The following TRPM6 variants were observed in gnomAD, a reference collection of about 807,000 sequenced individuals.
TRPM6 encodes the protein transient receptor potential cation channel subfamily M member 6.
A neutral mutation model predicts 247.6 loss-of-function variants in TRPM6; 111 were observed. The observed-to-expected ratio is 0.45, with a 90% CI of 0.38 to 0.52. The LOEUF is 0.52. TRPM6 is among the 20% of genes least tolerant of loss of function. TRPM6 has a pLI of 0.00. For synonymous variants in TRPM6, 892 were observed against 853.8 expected, an observed-to-expected ratio of 1.04 and a Z score of -0.78; for missense variants, 2,126 against 2,421.5, an observed-to-expected ratio of 0.88 and a Z score of 2.56.
intron 9 of TRPM6, 176 bp downstream of exon 9, chr9:74,820,128 C>T (rs1829087310): frequency 1.5e-6 from 1 of 670,218 alleles, no homozygotes; most frequent in African/African-American, 1.8e-5. Flanking sequence ...TTAAGATCTC[C>T]ATGCATTAGC....
At chr9:74,820,155 C>T (rs1829087922) in intron 9 of TRPM6, 149 bp downstream of exon 9, 1 of 819,808 alleles carries the variant, frequency 1.2e-6, no homozygotes, top group Non-Finnish European at 2.0e-6. Context: ...TCCTGATTTT[C>T]TCCCTCCCCC....
At position 74,778,460 on chromosome 9, in the gene TRPM6, CA is replaced by C. The variant is rs1303357839; in HGVS notation, c.3210-2385del. Among the ~76,000 whole-genome samples, 4 of 152,338 alleles carry C rather than the reference CA, an allele frequency of 2.6e-5. No individual in the cohort carries two copies. The East Asian group carries it at 7.7e-4, about 29-fold the overall frequency. Reference sequence around the variant, plus strand: ...AAGCCATCCCAGTGCCATGTTGGCTCAGGGGGCACCAGCTTTGTGCTGCCTC... The same window carrying C: ...AAGCCATCCCAGTGCCATGTTGGCTCGGGGGCACCAGCTTTGTGCTGCCTC... On this transcript the variant is annotated intron_variant, in intron 23 of 38. Coordinates refer to ENST00000360774, the MANE Select transcript of TRPM6 (RefSeq NM_017662.5).
intron 6 of TRPM6, among the ~76,000 whole-genome samples, chr9:74,833,566 A>G (rs1350931057): frequency 6.6e-6 from 1 of 152,206 alleles, no homozygotes; most frequent in African/African-American, 2.4e-5. Context: ...TCTGATTTGT[A>G]TATTTTTAAA....
intron 37 of TRPM6, among the ~76,000 whole-genome samples, chr9:74,731,772 A>C (rs1047947828): frequency 6.6e-6 from 1 of 151,482 alleles, no homozygotes; most frequent in South Asian, 2.1e-4. Context: ...TATGACAATT[A>C]AGAAGTAAAA....
intron 14 of TRPM6, among the ~76,000 whole-genome samples, chr9:74,805,864 G>T (rs1250165825): frequency 6.6e-6 from 1 of 152,132 alleles, no homozygotes; most frequent in Non-Finnish European, 1.5e-5. Flanking sequence ...TCAAATGCAA[G>T]CAAGCAGTAG....
At chr9:74,831,754 T>C (rs150729482) in intron 6 of TRPM6, among the ~76,000 whole-genome samples, 54 of 152,356 alleles carry the variant, frequency 3.5e-4, no homozygotes, top group African/African-American at 9.4e-4. Flanking sequence ...TTTACATTTA[T>C]GAGTTAAGAA....
At chr9:74,830,552 T>A (rs911389929) in intron 6 of TRPM6, among the ~76,000 whole-genome samples, 1 of 151,930 alleles carries the variant, frequency 6.6e-6, no homozygotes, top group African/African-American at 2.4e-5. Context: ...CATGCTGCCA[T>A]GCTGGCTATT....
In TRPM6 at chr9:74,755,347, A is replaced by G; in HGVS notation, c.4906+6T>C. ...TTTGGGATCCAAAATTGTAGATGTT[A>G]CATACCTGTGTGACTAAATTTGGAC... On this transcript the variant is annotated splice_donor_region_variant and intron_variant, in intron 28 of 38. Coordinates refer to ENST00000360774, the MANE Select transcript of TRPM6 (RefSeq NM_017662.5). The G allele has an allele frequency of 6.2e-7, 1 of 1,613,514 alleles. No individual in the cohort carries two copies. The highest frequency in any genetic ancestry group is 1.7e-5 in the Admixed American group (1 of 60,024).
intron 11 of TRPM6, among the ~76,000 whole-genome samples, chr9:74,813,782 C>T (rs1436324096): frequency 6.6e-6 from 1 of 152,180 alleles, no homozygotes; most frequent in South Asian, 2.1e-4. Context: ...TCATTCATAT[C>T]CTCAAAAAGG....
intron 5 of TRPM6, among the ~76,000 whole-genome samples, chr9:74,836,556 A>C (rs1057168155): frequency 2.6e-5 from 4 of 152,138 alleles, no homozygotes; most frequent in African/African-American, 7.2e-5. Context: ...GTGTGCCAAC[A>C]CTGTTGTTGT....
At chr9:74,861,019 T>C (rs1443367191) in intron 1 of TRPM6, among the ~76,000 whole-genome samples, 1 of 118,512 alleles carries the variant, frequency 8.4e-6, no homozygotes, top group African/African-American at 3.3e-5. Context: ...TGAGACCTTG[T>C]CACAAAAAAA....
chr9:74,858,755 A>G lies in TRPM6; in HGVS notation c.34-7T>C. The stretch of plus-strand genomic sequence containing the variant: ...TAATCCAGGATTTCTGGGACTAAAA[A>G]GAAAGTGTCATTATTTTATACTCTA... On this transcript the variant is annotated splice_region_variant and splice_polypyrimidine_tract_variant and intron_variant, in intron 1 of 38. Transcript: ENST00000360774. 1 of 1,604,130 alleles carries G rather than the reference A, an allele frequency of 6.2e-7. No individual in the cohort carries two copies. Among genetic ancestry groups the G allele is most frequent in the Non-Finnish European group, 8.5e-7 (1 of 1,171,236 alleles).
intron 37 of TRPM6, among the ~76,000 whole-genome samples, chr9:74,728,749 C>G (rs943800200): frequency 2.0e-5 from 3 of 152,190 alleles, no homozygotes; most frequent in Non-Finnish European, 4.4e-5. Context: ...GCTTTTGGGA[C>G]ACGCCTTCTA....
intron 10 of TRPM6, 48 bp from the exon 11 acceptor site, chr9:74,816,817 C>T (rs370479766): frequency 1.4e-5 from 23 of 1,610,206 alleles, no homozygotes; most frequent in Middle Eastern, 1.6e-4. Context: ...AAGATATCTA[C>T]GCAAGAAGCA....
chr9:74,796,648 T>C, intron 18 of TRPM6, 93 bp downstream of exon 18: 1 of 1,338,910 alleles, frequency 7.5e-7, no homozygotes, highest in South Asian at 1.2e-5. Context: ...AACTTTTGTT[T>C]AATAGATGGC....
chr9:74,842,113 A>C, intron 4 of TRPM6, 53 bp downstream of exon 4: 1 of 312,102 alleles, frequency 3.2e-6, no homozygotes, highest in Middle Eastern at 1.1e-3. Context: ...CCCCGTCTCG[A>C]AAAAAAAAAA....
intron 20 of TRPM6, among the ~76,000 whole-genome samples, chr9:74,787,312 G>T (rs1827717008): frequency 6.6e-6 from 1 of 150,480 alleles, no homozygotes. Context: ...TCCAGCCTGG[G>T]TGACAGAGCA....
intron 17 of TRPM6, among the ~76,000 whole-genome samples, chr9:74,798,240 C>A (rs888985001): frequency 1.3e-5 from 2 of 151,002 alleles, no homozygotes; most frequent in Non-Finnish European, 2.9e-5. Context: ...GTATGGTAAA[C>A]CGAAGTCATA....
intron 9 of TRPM6, among the ~76,000 whole-genome samples, chr9:74,817,440 C>G (rs189142721): frequency 1.3e-5 from 2 of 152,214 alleles, no homozygotes; most frequent in African/African-American, 4.8e-5. Flanking sequence ...ATCCTCCGGT[C>G]TCAGCCTCCC....
Sources: allele counts gnomAD v4.1 joint callset (sites outside exome capture counted in the v4.1 genomes callset), GRCh38; gene constraint gnomAD v4.1.1; transcripts MANE v1.5; gene names NCBI Gene and HGNC (gene_info 2026-07-23, HGNC 2026-07-21).